The following CDC42SE2 variants were observed in gnomAD, a reference collection of about 807,000 sequenced individuals.
The protein encoded by CDC42SE2 is CDC42 small effector 2.
CDC42SE2 carries 3 observed loss-of-function variants against 11.5 expected under a neutral mutation model. The ratio of observed to expected loss-of-function variants is 0.26; its 90% CI spans 0.12 to 0.67. CDC42SE2 has a LOEUF of 0.67. Ranked by LOEUF, CDC42SE2 falls within the 30% of genes least tolerant of loss-of-function variation. CDC42SE2 has a pLI of 0.80. For synonymous variants in CDC42SE2, 33 were observed against 34.8 expected (o/e 0.95, Z 0.18); for missense variants, 82 against 106.8 (o/e 0.77, Z 1.02).
At chr5:131,344,293 C>T (rs1342101790) in intron 2 of CDC42SE2, among the ~76,000 whole-genome samples, 1 of 152,228 alleles carries the variant, frequency 6.6e-6, no homozygotes, top group Non-Finnish European at 1.5e-5. Flanking sequence ...AATTGGGACA[C>T]TCCCACCCTA....
At chr5:131,258,949 A>T (rs936488130) in intron 2 of CDC42SE2, among the ~76,000 whole-genome samples, 1 of 152,212 alleles carries the variant, frequency 6.6e-6, no homozygotes, top group African/African-American at 2.4e-5. Flanking sequence ...TTGTGGTTTG[A>T]TGAGCAGCAA....
At chr5:131,372,926 A>G (rs1244116392) in intron 3 of CDC42SE2, among the ~76,000 whole-genome samples, 1 of 152,164 alleles carries the variant, frequency 6.6e-6, no homozygotes, top group Non-Finnish European at 1.5e-5. Context: ...GAATGCTCTT[A>G]TTATGGATGT....
the CDC42SE2 span, among the ~76,000 whole-genome samples, chr5:131,232,303 G>A: frequency 4.6e-4 from 69 of 150,928 alleles, no homozygotes; most frequent in African/African-American, 1.6e-3. Flanking sequence ...TTGTGGAGAC[G>A]GGGTTTCTCC....
intron 1 of CDC42SE2, among the ~76,000 whole-genome samples, chr5:131,307,250 T>C (rs2149720739): frequency 8.2e-6 from 1 of 122,280 alleles, no homozygotes; most frequent in East Asian, 2.7e-4. Flanking sequence ...CAGAGTGTGA[T>C]GTTCCCCTTC....
At chr5:131,351,536 G>A (rs901700445) in intron 2 of CDC42SE2, among the ~76,000 whole-genome samples, 3 of 152,086 alleles carry the variant, frequency 2.0e-5, no homozygotes, top group Non-Finnish European at 2.9e-5. Flanking sequence ...TTACAGGCGT[G>A]AGCCACCGTG....
At chr5:131,357,388 G>A (rs1472931827) in intron 2 of CDC42SE2, among the ~76,000 whole-genome samples, 6 of 152,194 alleles carry the variant, frequency 3.9e-5, no homozygotes, top group Admixed American at 3.9e-4. Context: ...CACTGAGGGT[G>A]TGTGCCTTAA....
In CDC42SE2 at chr5:131,354,738, C is replaced by T. The variant is rs188167598; in HGVS notation, c.-285-4471C>T. On this transcript the variant is annotated intron_variant, in intron 2 of 4. Coordinates refer to ENST00000505065, the MANE Select transcript of CDC42SE2 (RefSeq NM_001375635.1). ...AATGCTATTTTGCCATTTTAATTCT[C>T]GTAACAAAAAAGCATCTTATATCAA... The T allele has an allele frequency of 2.7e-4, 41 of 151,788 alleles. 1 individual carries two copies. The highest frequency in any genetic ancestry group is 2.5e-3 in the Admixed American group (38 of 15,252). 9.4% of individuals were successfully genotyped at this position (151,788 alleles called of 1,614,324 possible).
chr5:131,294,060 T>G (rs191585740), intron 1 of CDC42SE2, among the ~76,000 whole-genome samples: 112 of 152,278 alleles, frequency 7.4e-4, no homozygotes, highest in Non-Finnish European at 1.5e-3. Context: ...TAGAAGAAAT[T>G]GTGTGTTAAT....
chr5:131,334,126 G>A (rs1758494982), intron 2 of CDC42SE2, among the ~76,000 whole-genome samples: 1 of 152,096 alleles, frequency 6.6e-6, no homozygotes, highest in African/African-American at 2.4e-5. Context: ...TTATTATTTT[G>A]AGATATGTCC....
At chr5:131,323,840 C>T (rs1165759656) in intron 2 of CDC42SE2, among the ~76,000 whole-genome samples, 1 of 152,030 alleles carries the variant, frequency 6.6e-6, no homozygotes, top group Admixed American at 6.5e-5. Flanking sequence ...TGTGTGTTAA[C>T]TTTTCTCACA....
chr5:131,253,824 T>C (rs529534965), intron 1 of CDC42SE2, among the ~76,000 whole-genome samples: 118 of 152,344 alleles, frequency 7.7e-4, no homozygotes, highest in Non-Finnish European at 1.3e-3. Flanking sequence ...TAGGAAACTT[T>C]TCTTCCTCAC....
intron 2 of CDC42SE2, among the ~76,000 whole-genome samples, chr5:131,318,990 C>T (rs1758105662): frequency 6.6e-6 from 1 of 152,170 alleles, no homozygotes; most frequent in Non-Finnish European, 1.5e-5. Flanking sequence ...CAACCTCCGC[C>T]TCCAGGGTTC....
chr5:131,376,709 A>G (rs139394560), intron 3 of CDC42SE2, among the ~76,000 whole-genome samples: 1 of 152,104 alleles, frequency 6.6e-6, no homozygotes, highest in African/African-American at 2.4e-5. Context: ...GACCATGTGT[A>G]CTCAATGTAG....
intron 1 of CDC42SE2, among the ~76,000 whole-genome samples, chr5:131,287,594 G>A (rs1397756549): frequency 6.6e-6 from 1 of 151,130 alleles, no homozygotes; most frequent in African/African-American, 2.4e-5. Context: ...TCCCAAGTCG[G>A]TGGGACTATA....
intron 2 of CDC42SE2, among the ~76,000 whole-genome samples, chr5:131,321,984 G>A (rs985808690): frequency 4.6e-5 from 7 of 152,090 alleles, no homozygotes; most frequent in African/African-American, 1.7e-4. Context: ...CCAAGTAGCT[G>A]GGACTACAGG....
At chr5:131,252,651 G>A (rs1193228814) in intron 1 of CDC42SE2, among the ~76,000 whole-genome samples, 4 of 152,248 alleles carry the variant, frequency 2.6e-5, no homozygotes, top group South Asian at 4.2e-4. Context: ...GCGAGACTTC[G>A]TCTCAAAAAC....
At chr5:131,347,911 A>G (rs1046158560) in intron 2 of CDC42SE2, among the ~76,000 whole-genome samples, 1 of 152,248 alleles carries the variant, frequency 6.6e-6, no homozygotes, top group Non-Finnish European at 1.5e-5. Flanking sequence ...GATTATCTCA[A>G]TAGATGCAGA....
At chr5:131,314,108 C>A (rs1358077767) in intron 1 of CDC42SE2, among the ~76,000 whole-genome samples, 1 of 151,728 alleles carries the variant, frequency 6.6e-6, no homozygotes, top group Non-Finnish European at 1.5e-5. Flanking sequence ...GACATGTTAA[C>A]ATCATTGACT....
chr5:131,355,797 T>C (rs1749522617), intron 2 of CDC42SE2, among the ~76,000 whole-genome samples: 1 of 152,166 alleles, frequency 6.6e-6, no homozygotes, highest in South Asian at 2.1e-4. Flanking sequence ...AAAAAGCATT[T>C]GTATTAAATT....
Sources: gnomAD v4.1 joint callset for allele counts (sites outside exome capture counted in the v4.1 genomes callset) on GRCh38, gnomAD v4.1.1 for gene constraint, MANE v1.5 for transcripts, NCBI Gene and HGNC (gene_info 2026-07-23, HGNC 2026-07-21) for gene names.